The following MYO1D variants were observed in gnomAD, a reference collection of about 807,000 sequenced individuals.
The protein encoded by MYO1D is unconventional myosin-Id.
Under a neutral mutation model 122.0 loss-of-function variants are expected in MYO1D, and 83 were observed. The observed-to-expected ratio is 0.68, with a 90% CI of 0.57 to 0.82. The LOEUF (loss-of-function observed/expected upper bound fraction) is 0.82, where lower values mean the gene tolerates loss of function less well. Ranked by LOEUF, MYO1D falls within the 40% of genes least tolerant of loss-of-function variation. The pLI, the probability that MYO1D is intolerant of heterozygous loss-of-function variation, is 0.00. For synonymous variants in MYO1D, 464 were observed against 446.9 expected, an observed-to-expected ratio of 1.04 and a Z score of -0.48; for missense variants, 1,157 against 1,269.5, an observed-to-expected ratio of 0.91 and a Z score of 1.35.
intron 12 of MYO1D, chr17:32,745,489 A>C: frequency 2.3e-6 from 1 of 441,014 alleles, no homozygotes; most frequent in East Asian, 4.1e-5. Flanking sequence ...TATTATGATT[A>C]AGATGATAAT....
At chr17:32,553,686 G>C (rs1013588593) in intron 21 of MYO1D, among the ~76,000 whole-genome samples, 6 of 152,118 alleles carry the variant, frequency 3.9e-5, no homozygotes, top group African/African-American at 1.4e-4. Context: ...TCTTAGTCCT[G>C]TTTACTTATT....
chr17:32,818,332 G>A (rs1428570623), intron 1 of MYO1D, among the ~76,000 whole-genome samples: 2 of 151,968 alleles, frequency 1.3e-5, no homozygotes, highest in East Asian at 3.9e-4. Flanking sequence ...ATTCTTCCCA[G>A]CAATGCTGAG....
chr17:32,593,316 A>T (rs2087458036), intron 21 of MYO1D, among the ~76,000 whole-genome samples: 1 of 152,182 alleles, frequency 6.6e-6, no homozygotes, highest in Non-Finnish European at 1.5e-5. Context: ...TGAGAGATGG[A>T]GATTGTGACA....
chr17:32,738,179 T>C, intron 14 of MYO1D, 74 bp downstream of exon 14: 2 of 1,302,616 alleles, frequency 1.5e-6, no homozygotes, highest in Non-Finnish European at 2.1e-6. Flanking sequence ...AAGCAAATCA[T>C]ACATACATTC....
At position 32,711,972 on chromosome 17, in the gene MYO1D, T is replaced by A; in HGVS notation, c.2121+16A>T. 3 of 1,590,910 alleles carry A rather than the reference T, an allele frequency of 1.9e-6. No individual in the cohort carries two copies. Among genetic ancestry groups the A allele is most frequent in the Non-Finnish European group, 2.6e-6 (3 of 1,164,918 alleles). ...AAAAGCAAAATCTTATCCTTATATA[T>A]AAAATATAAAATTACCTTTTGTAGA... On this transcript the variant is annotated intron_variant, in intron 16 of 21. Transcript: ENST00000318217.
intron 20 of MYO1D, chr17:32,632,570 TATATATATATATATATACACACACACAC>T (rs1256430489): frequency 4.1e-4 from 28 of 67,614 alleles, no homozygotes; most frequent in African/African-American, 2.0e-3. Context: ...GTACTATATA[TATATATATATATATATACACACACACAC>T]ACACACACAC....
intron 16 of MYO1D, among the ~76,000 whole-genome samples, chr17:32,689,831 G>A (rs1034850998): frequency 2.6e-5 from 4 of 151,670 alleles, no homozygotes; most frequent in African/African-American, 9.7e-5. Context: ...CAATTCTCCT[G>A]CCTCAGCCTC....
intron 20 of MYO1D, among the ~76,000 whole-genome samples, chr17:32,634,590 G>A (rs2088071811): frequency 6.6e-6 from 1 of 152,200 alleles, no homozygotes; most frequent in South Asian, 2.1e-4. Context: ...GTGGCTGGAG[G>A]CAGTTAAGGA....
intron 21 of MYO1D, among the ~76,000 whole-genome samples, chr17:32,541,732 C>T (rs985493085): frequency 6.6e-6 from 1 of 152,250 alleles, no homozygotes; most frequent in South Asian, 2.1e-4. Flanking sequence ...AGTAGGTACT[C>T]GATGTGTGCA....
intron 21 of MYO1D, among the ~76,000 whole-genome samples, chr17:32,578,439 C>T (rs7210010): frequency 0.61 from 92,155 of 152,146 alleles, 28,305 homozygotes; most frequent in African/African-American, 0.68. Flanking sequence ...GGAATCAGCA[C>T]TAGCTGGCCG....
At chr17:32,763,214 A>G (rs1030254875) in intron 8 of MYO1D, among the ~76,000 whole-genome samples, 4 of 151,802 alleles carry the variant, frequency 2.6e-5, no homozygotes, top group African/African-American at 9.7e-5. Flanking sequence ...ACTTGATGTC[A>G]TTGCCCCTCC....
chr17:32,557,956 G>C (rs548353982), intron 21 of MYO1D, among the ~76,000 whole-genome samples: 110 of 152,042 alleles, frequency 7.2e-4, no homozygotes, highest in African/African-American at 2.5e-3. Context: ...GCATGGCTGT[G>C]TTCCCATAAA....
chr17:32,673,292 C>T (rs111658607), intron 16 of MYO1D, among the ~76,000 whole-genome samples: 22,232 of 150,948 alleles, frequency 0.15, 2,140 homozygotes, highest in Middle Eastern at 0.24. Context: ...TTAGTAGAAA[C>T]GGGGTTTCAC....
At position 32,775,834 on chromosome 17, in the gene MYO1D, C is replaced by T. The variant is rs2090166357; in HGVS notation, c.564+30G>A. The T allele has an allele frequency of 6.4e-6, 10 of 1,556,290 alleles. No individual in the cohort carries two copies. In the East Asian group the frequency reaches 2.3e-4, roughly 35 times the overall value. The stretch of plus-strand genomic sequence containing the variant: ...TTGTTTAAACATTCAGCACTTAAAA[C>T]ATTACCCTCAGAAATTAAGCATATT... On this transcript the variant is annotated intron_variant, in intron 4 of 21. Coordinates refer to ENST00000318217, the MANE Select transcript of MYO1D (RefSeq NM_015194.3).
intron 21 of MYO1D, among the ~76,000 whole-genome samples, chr17:32,584,668 T>C (rs1376970585): frequency 1.3e-5 from 2 of 152,008 alleles, no homozygotes; most frequent in Admixed American, 1.3e-4. Flanking sequence ...AATTTTTAAA[T>C]TTTTTTGAAG....
intron 16 of MYO1D, among the ~76,000 whole-genome samples, chr17:32,665,307 AT>A (rs2088622240): frequency 1.3e-5 from 2 of 151,376 alleles, no homozygotes; most frequent in Non-Finnish European, 2.9e-5. Flanking sequence ...TAACTTACAT[AT>A]TATGGTGTTA....
chr17:32,599,055 C>T (rs758735422), intron 21 of MYO1D, among the ~76,000 whole-genome samples: 2 of 152,092 alleles, frequency 1.3e-5, no homozygotes, highest in Non-Finnish European at 2.9e-5. Flanking sequence ...ATAAGATAAC[C>T]ATGAAGTTTG....
intron 21 of MYO1D, among the ~76,000 whole-genome samples, chr17:32,556,072 T>C (rs981946206): frequency 6.6e-6 from 1 of 152,208 alleles, no homozygotes; most frequent in Non-Finnish European, 1.5e-5. Flanking sequence ...CCCACTGGAA[T>C]GTAAGGTTGA....
At chr17:32,819,333 T>C (rs918177587) in intron 1 of MYO1D, among the ~76,000 whole-genome samples, 4 of 151,930 alleles carry the variant, frequency 2.6e-5, no homozygotes, top group Admixed American at 1.3e-4. Context: ...GGGGTAGAAA[T>C]CACTGGACCG....
Sources: gnomAD v4.1 joint callset for allele counts (sites outside exome capture counted in the v4.1 genomes callset) on GRCh38, gnomAD v4.1.1 for gene constraint, MANE v1.5 for transcripts, NCBI Gene and HGNC (gene_info 2026-07-23, HGNC 2026-07-21) for gene names.